Variants in ATP6V1C2 observed in about 807,000 individuals in gnomAD.
ATP6V1C2 encodes ATPase H+ transporting V1 subunit C2.
Under a neutral mutation model 56.8 loss-of-function variants are expected in ATP6V1C2, and 45 were observed. That is an observed-to-expected ratio of 0.79 (90% CI 0.62 to 1.02). ATP6V1C2 has a LOEUF of 1.02. Ranked by LOEUF, ATP6V1C2 falls within the 50% of genes least tolerant of loss-of-function variation. The probability of loss-of-function intolerance (pLI) is 0.00; values close to 1 mark genes in which losing one functional copy is unlikely to be tolerated. For missense variants in ATP6V1C2, 463 were observed against 519.7 expected (o/e 0.89, Z 1.06); for synonymous variants, 220 against 201.3 (o/e 1.09, Z -0.79).
chr2:10,779,603 T>G (rs1057296813), intron 12 of ATP6V1C2, among the ~76,000 whole-genome samples: 7 of 149,526 alleles, frequency 4.7e-5, no homozygotes, highest in Non-Finnish European at 8.9e-5. Flanking sequence ...GGAGGATCAC[T>G]TGAGCCTCGG....
chr2:10,785,017 C>A lies in ATP6V1C2; in HGVS notation c.*1754C>A. The A allele has an allele frequency of 6.3e-7, 1 of 1,577,972 alleles. No homozygotes were observed. The highest frequency in any genetic ancestry group is 2.3e-5 in the East Asian group (1 of 43,280). ...CCTACAGGTGCCGTGGAGCCACGCC[C>A]AAAAGAGAGCTCCCTTAGGGAAAAA... On this transcript the variant is annotated 3_prime_UTR_variant, in exon 14 of 14. Transcript: ENST00000272238.
At chr2:10,759,029 C>G (rs1663729711) in intron 4 of ATP6V1C2, among the ~76,000 whole-genome samples, 1 of 152,230 alleles carries the variant, frequency 6.6e-6, no homozygotes, top group African/African-American at 2.4e-5. Context: ...GGAAATCTTT[C>G]TCTTCTGCAG....
At chr2:10,739,643 G>A (rs1031568145) in intron 3 of ATP6V1C2, among the ~76,000 whole-genome samples, 3 of 152,098 alleles carry the variant, frequency 2.0e-5, no homozygotes, top group African/African-American at 7.2e-5. Context: ...GTCCCTCTAG[G>A]TGACCCCGTT....
intron 4 of ATP6V1C2, among the ~76,000 whole-genome samples, chr2:10,759,099 T>A (rs1458957094): frequency 6.6e-6 from 1 of 152,222 alleles, no homozygotes; most frequent in Non-Finnish European, 1.5e-5. Context: ...TGCATTTTAA[T>A]CCTATCTCCT....
intron 10 of ATP6V1C2, among the ~76,000 whole-genome samples, chr2:10,776,455 G>T (rs764610105): frequency 2.6e-5 from 4 of 152,142 alleles, no homozygotes; most frequent in Non-Finnish European, 5.9e-5. Flanking sequence ...GGATGCTCCA[G>T]TCTTCAGAGC....
chr2:10,726,601 G>A (rs372197178), intron 3 of ATP6V1C2, 32 bp downstream of exon 3: 213 of 1,570,908 alleles, frequency 1.4e-4, no homozygotes, highest in Middle Eastern at 1.3e-3. Context: ...ACATACAAGT[G>A]AGAATTTGAC....
intron 12 of ATP6V1C2, 96 bp from the exon 13 acceptor site, chr2:10,782,147 C>T: frequency 4.8e-6 from 7 of 1,444,670 alleles, no homozygotes; most frequent in Non-Finnish European, 6.6e-6. Flanking sequence ...TTGGTTGAAG[C>T]TTTTCACCCT....
intron 12 of ATP6V1C2, 36 bp from the exon 13 acceptor site, chr2:10,782,207 G>A (rs756073769): frequency 1.9e-6 from 3 of 1,610,766 alleles, no homozygotes; most frequent in African/African-American, 2.7e-5. Flanking sequence ...TTTGCATTTG[G>A]AGCAGTGAAC....
In ATP6V1C2 at chr2:10,778,672, G is replaced by A. The variant is rs770439821; in HGVS notation, c.1061+3G>A. On this transcript the variant is annotated splice_donor_region_variant and intron_variant, in intron 12 of 13. Transcript: ENST00000272238. ...GTGTTTGTGGAGTCCGTGCTCAGGTGCGTGGCAGTGATGCCCCGGCTGGGA... is the reference window on the plus strand; with the variant it reads ...GTGTTTGTGGAGTCCGTGCTCAGGTACGTGGCAGTGATGCCCCGGCTGGGA... 5.1e-5 allele frequency: 82 copies of A among 1,613,990 alleles called. No individual in the cohort carries two copies. The Admixed American group carries it at 1.3e-3, about 27-fold the overall frequency.
At chr2:10,728,336 G>A (rs575337568) in intron 3 of ATP6V1C2, among the ~76,000 whole-genome samples, 10 of 152,180 alleles carry the variant, frequency 6.6e-5, no homozygotes, top group East Asian at 3.9e-4. Flanking sequence ...CTCTTGCCTC[G>A]GCCTGCCAAA....
rs1423307136 is a variant in ATP6V1C2, at chr2:10,780,840, T to C, written c.1062-1403T>C. Among the ~76,000 whole-genome samples the C allele has an allele frequency of 6.6e-6, 1 of 150,926 alleles. No individual in the cohort carries two copies. Among genetic ancestry groups the C allele is most frequent in the Non-Finnish European group, 1.5e-5 (1 of 67,828 alleles). Reference sequence around the variant, plus strand: ...CTCACTGCGACCTCCACCTCCCAGGTTCAAGCAATTCTCCTGCCTCAGCCT... The same window carrying C: ...CTCACTGCGACCTCCACCTCCCAGGCTCAAGCAATTCTCCTGCCTCAGCCT... On this transcript the variant is annotated intron_variant, in intron 12 of 13. Transcript: ENST00000272238. This position sits in a 1 kb window ranked among gnomAD's most constrained non-coding sequence, Gnocchi z 4.1.
chr2:10,784,027 T>C lies in ATP6V1C2; in HGVS notation c.*764T>C, dbSNP rs1328444016. On this transcript the variant is annotated 3_prime_UTR_variant, in exon 14 of 14. Transcript: ENST00000272238. Reference sequence around the variant, plus strand: ...GCCAAGTTTTCTTCAAAATATTATGTGACAGAATACGACTCAATTCACCGG... The same window carrying C: ...GCCAAGTTTTCTTCAAAATATTATGCGACAGAATACGACTCAATTCACCGG... 5 of 357,616 alleles carry C rather than the reference T, an allele frequency of 1.4e-5. No homozygotes were observed. The South Asian group carries it at 3.5e-4, about 25-fold the overall frequency. 22.2% of individuals were successfully genotyped at this position (357,616 alleles called of 1,614,324 possible).
chr2:10,757,386 A>G (rs12474854), intron 4 of ATP6V1C2: 81,466 of 398,242 alleles, frequency 0.2, 9,110 homozygotes, highest in East Asian at 0.35. Flanking sequence ...TTGGCTTTGT[A>G]TGTCTATATG....
At chr2:10,761,463 C>T (rs1398627351) in intron 4 of ATP6V1C2, among the ~76,000 whole-genome samples, 1 of 152,120 alleles carries the variant, frequency 6.6e-6, no homozygotes, top group African/African-American at 2.4e-5. Flanking sequence ...CTCTTACTTC[C>T]ACCCCGGGCC....
rs755247712 is a variant in ATP6V1C2 at position 10,735,619 on chromosome 2, G to T, written c.197+9050G>T. Among the ~76,000 whole-genome samples, 122 of 150,378 alleles carry T rather than the reference G, an allele frequency of 8.1e-4. 1 individual carries two copies. Among genetic ancestry groups the T allele is most frequent in the Non-Finnish European group, 2.7e-4 (18 of 67,730 alleles). ...TTTTTTCTCTCTTTTTTTGAGAAAG[G>T]ATCTTGCTCTGTCACCCATGCTAGT... On this transcript the variant is annotated intron_variant, in intron 3 of 13. Coordinates refer to ENST00000272238, the MANE Select transcript of ATP6V1C2 (RefSeq NM_001039362.2).
intron 3 of ATP6V1C2, among the ~76,000 whole-genome samples, chr2:10,731,138 A>T (rs776341073): frequency 6.6e-6 from 1 of 150,798 alleles, no homozygotes; most frequent in Non-Finnish European, 1.5e-5. Flanking sequence ...TTGTAGAGAC[A>T]AGGTCTTACT....
rs1661897678 is a variant in ATP6V1C2, at chr2:10,730,640, C to T, written c.197+4071C>T. Among the ~76,000 whole-genome samples, 4 of 124,734 alleles carry T rather than the reference C, an allele frequency of 3.2e-5. No homozygotes were observed. In the South Asian group the frequency reaches 1.2e-3, roughly 37 times the overall value. 81.8% of individuals were successfully genotyped at this position (124,734 alleles called of 152,430 possible). On this transcript the variant is annotated intron_variant, in intron 3 of 13. Coordinates refer to ENST00000272238, the MANE Select transcript of ATP6V1C2 (RefSeq NM_001039362.2). The stretch of plus-strand genomic sequence containing the variant: ...TTTTTTTTTTTGAAATGAGATAATA[C>T]ACAGGTGTAAACCTTTTTTTTTTTT...
chr2:10,724,335 G>A (rs576650985), intron 2 of ATP6V1C2, among the ~76,000 whole-genome samples: 20 of 152,268 alleles, frequency 1.3e-4, no homozygotes, highest in African/African-American at 4.6e-4. Context: ...AAGAGCTGAC[G>A]GCTAGATACT....
chr2:10,736,638 T>C (rs1662260399), intron 3 of ATP6V1C2, among the ~76,000 whole-genome samples: 1 of 152,090 alleles, frequency 6.6e-6, no homozygotes, highest in African/African-American at 2.4e-5. Flanking sequence ...TTCATTTGGG[T>C]TTATTTTCTT....
Sources: allele counts gnomAD v4.1 joint callset (sites outside exome capture counted in the v4.1 genomes callset), GRCh38; gene constraint gnomAD v4.1.1; non-coding constraint Gnocchi (gnomAD v3.1); transcripts MANE v1.5; gene names NCBI Gene and HGNC (gene_info 2026-07-23, HGNC 2026-07-21).